The following DCAF6 variants were observed in gnomAD, a reference collection of about 807,000 sequenced individuals.
DCAF6 encodes the protein DDB1- and CUL4-associated factor 6.
DCAF6 carries 54 observed loss-of-function variants against 125.1 expected under a neutral mutation model. That is an observed-to-expected ratio of 0.43 (90% CI 0.35 to 0.54). The LOEUF (loss-of-function observed/expected upper bound fraction) is 0.54, where lower values mean the gene tolerates loss of function less well. DCAF6 is among the 20% of genes least tolerant of loss of function. The probability of loss-of-function intolerance (pLI) is 0.01; values close to 1 mark genes in which losing one functional copy is unlikely to be tolerated. For missense variants in DCAF6, 934 were observed against 1,161.7 expected (o/e 0.80, Z 2.85); for synonymous variants, 371 against 390.4 (o/e 0.95, Z 0.58).
chr1:168,001,870 A>G (rs1489329720), intron 7 of DCAF6, among the ~76,000 whole-genome samples: 2 of 152,172 alleles, frequency 1.3e-5, no homozygotes, highest in African/African-American at 4.8e-5. Context: ...ATGTAGATTT[A>G]ATTTATAGAA....
intron 17 of DCAF6, among the ~76,000 whole-genome samples, chr1:168,054,819 GTTT>G (rs370002372): frequency 7.1e-6 from 1 of 141,050 alleles, no homozygotes; most frequent in Non-Finnish European, 1.5e-5. Context: ...TACGGGTTTG[GTTT>G]TTTTTTTTTT....
At chr1:167,992,282 C>CACACACAG (rs1178289359) in intron 6 of DCAF6, among the ~76,000 whole-genome samples, 4 of 121,652 alleles carry the variant, frequency 3.3e-5, no homozygotes, top group African/African-American at 1.3e-4. Flanking sequence ...CACACACACA[C>CACACACAG]AAACACCGAA....
At chr1:168,064,297 A>G (rs990725475) in intron 18 of DCAF6, among the ~76,000 whole-genome samples, 2 of 152,144 alleles carry the variant, frequency 1.3e-5, no homozygotes, top group East Asian at 1.9e-4. Flanking sequence ...TTTACGATCT[A>G]CAAGTTTCTA....
chr1:167,924,239 T>C, the DCAF6 span, among the ~76,000 whole-genome samples: 1 of 152,168 alleles, frequency 6.6e-6, no homozygotes, highest in African/African-American at 2.4e-5. Flanking sequence ...AAATTTCATG[T>C]CCATGTGGTG....
Position 168,038,499 on chromosome 1 carries a change from A to G in DCAF6, c.1727+11A>G, listed in dbSNP as rs771080892. ...CTTTACAGATGAATGGTAAGTTAATATTTTTGTAAAGATGTTCTTAGCCAT... is the reference window on the plus strand; with the variant it reads ...CTTTACAGATGAATGGTAAGTTAATGTTTTTGTAAAGATGTTCTTAGCCAT... On this transcript the variant is annotated intron_variant, in intron 13 of 21. Transcript: ENST00000367840. The G allele has an allele frequency of 3.9e-6, 6 of 1,540,690 alleles. No individual in the cohort carries two copies. The highest frequency in any genetic ancestry group is 5.3e-6 in the Non-Finnish European group (6 of 1,133,700).
At chr1:167,992,453 A>G (rs1289642682) in intron 6 of DCAF6, among the ~76,000 whole-genome samples, 1 of 152,234 alleles carries the variant, frequency 6.6e-6, no homozygotes, top group Non-Finnish European at 1.5e-5. Flanking sequence ...ATATTGCTAC[A>G]TTAAGTCACA....
chr1:167,930,704 T>C, the DCAF6 span, among the ~76,000 whole-genome samples: 5 of 152,240 alleles, frequency 3.3e-5, no homozygotes, highest in Non-Finnish European at 7.3e-5. Flanking sequence ...GAGCAACGAC[T>C]AGAACACAGT....
At chr1:167,891,645 G>A in the DCAF6 span, among the ~76,000 whole-genome samples, 8 of 139,418 alleles carry the variant, frequency 5.7e-5, no homozygotes, top group Non-Finnish European at 1.2e-4. Flanking sequence ...GACAGAATGA[G>A]ACTCTGTCTC....
intron 5 of DCAF6, among the ~76,000 whole-genome samples, chr1:167,989,623 C>G (rs1448207088): frequency 1.3e-5 from 2 of 152,190 alleles, no homozygotes; most frequent in African/African-American, 2.4e-5. Flanking sequence ...TGGCTCACGC[C>G]TGTAATCCCA....
rs542718534 is a variant in DCAF6 at position 168,061,138 on chromosome 1, C to G, written c.2301-2483C>G. ...TCTCTTTCGAGAATATTTGACCTCT[C>G]TATCCTTCCCATTCTCACCTCCCAG... On this transcript the variant is annotated intron_variant, in intron 17 of 21. Coordinates refer to ENST00000367840, the MANE Select transcript of DCAF6 (RefSeq NM_001198956.2). 1.3e-3 allele frequency among the ~76,000 whole-genome samples: 196 copies of G among 152,288 alleles called. 1 individual carries two copies. The highest frequency in any genetic ancestry group is 4.6e-3 in the African/African-American group (191 of 41,546).
intron 21 of DCAF6, among the ~76,000 whole-genome samples, chr1:168,072,062 C>T (rs1693109829): frequency 6.6e-6 from 1 of 151,964 alleles, no homozygotes; most frequent in African/African-American, 2.4e-5. Flanking sequence ...CTTTGGGAGG[C>T]CGAGGCGGGT....
intron 2 of DCAF6, among the ~76,000 whole-genome samples, chr1:167,954,514 A>G (rs1674460945): frequency 6.6e-6 from 1 of 151,732 alleles, no homozygotes; most frequent in Non-Finnish European, 1.5e-5. Context: ...GTGCAGTGGC[A>G]CAATCTCGGC....
intron 21 of DCAF6, among the ~76,000 whole-genome samples, chr1:168,073,212 G>A (rs1034756055): frequency 6.6e-6 from 1 of 152,098 alleles, no homozygotes; most frequent in African/African-American, 2.4e-5. Flanking sequence ...AGTATACATA[G>A]AAGTGATTCT....
At chr1:167,872,199 G>A in the DCAF6 span, among the ~76,000 whole-genome samples, 4 of 152,060 alleles carry the variant, frequency 2.6e-5, no homozygotes, top group Non-Finnish European at 4.4e-5. Flanking sequence ...TTAGCCGGGC[G>A]TGGTGGTGCA....
chr1:167,877,874 G>C, the DCAF6 span, among the ~76,000 whole-genome samples: 1 of 152,166 alleles, frequency 6.6e-6, no homozygotes, highest in Non-Finnish European at 1.5e-5. Context: ...AAACAACCCA[G>C]AGGAGGGGGA....
chr1:168,034,861 T>A (rs1420347085), intron 12 of DCAF6, among the ~76,000 whole-genome samples: 1 of 152,206 alleles, frequency 6.6e-6, no homozygotes, highest in African/African-American at 2.4e-5. Context: ...TGATCCAACC[T>A]CTGACAGAGA....
intron 1 of DCAF6, among the ~76,000 whole-genome samples, chr1:167,947,207 A>G (rs1448776032): frequency 6.6e-6 from 1 of 151,998 alleles, no homozygotes; most frequent in Non-Finnish European, 1.5e-5. Context: ...CTGTGGAATC[A>G]GTTGTAATGT....
intron 11 of DCAF6, among the ~76,000 whole-genome samples, chr1:168,017,989 A>C (rs1382051467): frequency 1.3e-5 from 2 of 152,188 alleles, no homozygotes; most frequent in African/African-American, 2.4e-5. Context: ...ATGATTTGGA[A>C]ACCAAGAAAT....
the DCAF6 span, among the ~76,000 whole-genome samples, chr1:167,893,260 C>T: frequency 1.3e-5 from 2 of 152,098 alleles, no homozygotes; most frequent in African/African-American, 2.4e-5. Flanking sequence ...AAAGGGTGCC[C>T]GCATGTTCTT....
Sources: allele counts gnomAD v4.1 joint callset (sites outside exome capture counted in the v4.1 genomes callset), GRCh38; gene constraint gnomAD v4.1.1; transcripts MANE v1.5; gene names NCBI Gene and HGNC (gene_info 2026-07-23, HGNC 2026-07-21).